ITGB5: variants seen among roughly 807,000 people sequenced by gnomAD.
ITGB5 encodes the protein integrin subunit beta 5, also known as integrin beta-5.
ITGB5 carries 38 observed loss-of-function variants against 84.8 expected under a neutral mutation model. That is an observed-to-expected ratio of 0.45 (90% CI 0.35 to 0.59). The LOEUF (loss-of-function observed/expected upper bound fraction) is 0.59. Ranked by LOEUF, ITGB5 falls within the 20% of genes least tolerant of loss-of-function variation. The pLI, the probability that ITGB5 is intolerant of heterozygous loss-of-function variation, is 0.01. For synonymous variants in ITGB5, 393 were observed against 414.4 expected (o/e 0.95, Z 0.63); for missense variants, 905 against 1,034.5 (o/e 0.87, Z 1.72).
At chr3:124,815,762 C>G (rs989505832) in intron 8 of ITGB5, among the ~76,000 whole-genome samples, 1 of 152,214 alleles carries the variant, frequency 6.6e-6, no homozygotes, top group African/African-American at 2.4e-5. Flanking sequence ...AGGCTCACAT[C>G]CCAAACCCTC....
intron 5 of ITGB5, among the ~76,000 whole-genome samples, chr3:124,835,033 C>T (rs2064913689): frequency 6.6e-6 from 1 of 152,184 alleles, no homozygotes; most frequent in Non-Finnish European, 1.5e-5. Context: ...CTACCCTTTC[C>T]CCAGGATGAT....
chr3:124,770,287 G>A (rs2063823328), intron 11 of ITGB5: 1 of 152,422 alleles, frequency 6.6e-6, no homozygotes, highest in African/African-American at 2.4e-5. Flanking sequence ...TGAGACACCA[G>A]GAGAGGCCCC....
chr3:124,799,750 T>C (rs1172251296), intron 9 of ITGB5, among the ~76,000 whole-genome samples: 1 of 152,120 alleles, frequency 6.6e-6, no homozygotes, highest in Non-Finnish European at 1.5e-5. Context: ...ACACAGCTGA[T>C]GAGTGGGGCC....
At chr3:124,895,872 A>G (rs935013792) in intron 1 of ITGB5, among the ~76,000 whole-genome samples, 1 of 152,206 alleles carries the variant, frequency 6.6e-6, no homozygotes, top group African/African-American at 2.4e-5. Flanking sequence ...ATTGCCATCA[A>G]TTAGCTGAGC....
At chr3:124,808,323 G>A (rs1398271984) in intron 9 of ITGB5, among the ~76,000 whole-genome samples, 1 of 152,290 alleles carries the variant, frequency 6.6e-6, no homozygotes, top group South Asian at 2.1e-4. Flanking sequence ...AGCAAGTCAG[G>A]AATGGAGCTC....
In ITGB5 at chr3:124,773,781, GAC is replaced by G; in HGVS notation, c.1823_1824del (p.Cys608SerfsTer18). On this transcript the variant is annotated frameshift_variant, in exon 11 of 15. Transcript: ENST00000296181. LOFTEE classifies it high-confidence loss of function. Reference sequence around the variant, plus strand: ...TCCGTGCATTGGCACTGCCCACAGAGACAGTGCCCACGCTCGCTGCAGATCTG... The same window carrying G: ...TCCGTGCATTGGCACTGCCCACAGAGAGTGCCCACGCTCGCTGCAGATCTG... ...DGQICSERGH[C>X]LCGQCQCTEP... 6.2e-7 allele frequency: 1 copy of G among 1,613,680 alleles called. No homozygotes were observed. Among genetic ancestry groups the G allele is most frequent in the Non-Finnish European group, 8.5e-7 (1 of 1,180,036 alleles).
rs141501998 is a variant in ITGB5, at chr3:124,763,691, T to C, written c.2332A>G (p.Ile778Val). ...MASNPLYRKPISTHTVDFTFN... is the reference protein window; with the variant it reads ...MASNPLYRKPVSTHTVDFTFN... ...GTGAAGTCCACAGTGTGCGTGGAGATAGGCTTTCTGTATAATGGATTTGAA... is the reference window on the plus strand; with the variant it reads ...GTGAAGTCCACAGTGTGCGTGGAGACAGGCTTTCTGTATAATGGATTTGAA... Residue 778 changes from isoleucine to valine, a missense_variant, in exon 15 of 15, where the codon ATC becomes GTC. This residue lies in a region of ITGB5 where 133 missense variants were observed against 122.8 expected (regional missense o/e 1.08). Coordinates refer to ENST00000296181, the MANE Select transcript of ITGB5 (RefSeq NM_002213.5). 2.5e-6 allele frequency: 4 copies of C among 1,609,938 alleles called. No homozygotes were observed. In the East Asian group the frequency reaches 8.9e-5, roughly 36 times the overall value.
chr3:124,816,069 G>C (rs1357417136), intron 8 of ITGB5, among the ~76,000 whole-genome samples: 2 of 152,164 alleles, frequency 1.3e-5, no homozygotes, highest in Admixed American at 6.5e-5. Flanking sequence ...CTGAATCTGT[G>C]AGAGCAAGAG....
intron 5 of ITGB5, among the ~76,000 whole-genome samples, chr3:124,841,135 AC>A (rs1439654448): frequency 6.6e-6 from 1 of 152,218 alleles, no homozygotes; most frequent in Non-Finnish European, 1.5e-5. Flanking sequence ...CTTCTAGCAG[AC>A]AGTACTCCAT....
intron 5 of ITGB5, among the ~76,000 whole-genome samples, chr3:124,827,402 T>G (rs2064798297): frequency 1.3e-5 from 2 of 152,250 alleles, no homozygotes; most frequent in African/African-American, 4.8e-5. Flanking sequence ...CCAGTAATAA[T>G]TTTTACATTT....
chr3:124,825,196 CAA>C (rs532997344), intron 5 of ITGB5, among the ~76,000 whole-genome samples: 3,234 of 79,216 alleles, frequency 0.041, 103 homozygotes, highest in African/African-American at 0.12. Flanking sequence ...GACTCCGTCT[CAA>C]AAAAAAAAAA....
In ITGB5 at chr3:124,796,326, G is replaced by A. The variant is rs549558438; in HGVS notation, c.1693+62C>T. 3.4e-4 allele frequency: 491 copies of A among 1,433,812 alleles called. 3 individuals are homozygous for A. In the South Asian group the frequency reaches 4.5e-3, roughly 13 times the overall value. The allele number at this position is 1,433,812 out of a possible 1,614,324, so 88.8% of individuals were successfully genotyped here. On this transcript the variant is annotated intron_variant, in intron 10 of 14. Coordinates refer to ENST00000296181, the MANE Select transcript of ITGB5 (RefSeq NM_002213.5). ...CCACTGAGTAAAAGGCAGGCTTTGGGAGGGTGTCCTAACGGCATCTTGGCC... is the reference window on the plus strand; with the variant it reads ...CCACTGAGTAAAAGGCAGGCTTTGGAAGGGTGTCCTAACGGCATCTTGGCC...
upstream of ITGB5, among the ~76,000 whole-genome samples, chr3:124,890,667 CG>C (rs1223794257): frequency 6.6e-6 from 1 of 152,144 alleles, no homozygotes; most frequent in Non-Finnish European, 1.5e-5. Context: ...GAAAGTTCTG[CG>C]ATCAAACCTG....
intron 9 of ITGB5, among the ~76,000 whole-genome samples, chr3:124,798,341 G>A (rs1317130880): frequency 6.6e-6 from 1 of 152,026 alleles, no homozygotes; most frequent in African/African-American, 2.4e-5. Flanking sequence ...GTGAGCTACT[G>A]CGCCCAGTCA....
chr3:124,772,188 T>C (rs1433407244), intron 11 of ITGB5, among the ~76,000 whole-genome samples: 1 of 152,164 alleles, frequency 6.6e-6, no homozygotes, highest in African/African-American at 2.4e-5. Context: ...CCCCGGGCTG[T>C]TTCTACTTGG....
chr3:124,854,007 A>G (rs2065191315), intron 3 of ITGB5, among the ~76,000 whole-genome samples: 1 of 152,202 alleles, frequency 6.6e-6, no homozygotes, highest in Non-Finnish European at 1.5e-5. Flanking sequence ...GTTCTCAATA[A>G]GCTTTACTTT....
At chr3:124,862,441 C>T (rs1332816526) in intron 2 of ITGB5, 1 of 152,266 alleles carries the variant, frequency 6.6e-6, no homozygotes, top group East Asian at 1.9e-4. Context: ...GATACTTGCA[C>T]TGGCAGTGAA....
chr3:124,858,318 T>C (rs1168895624), intron 3 of ITGB5, among the ~76,000 whole-genome samples: 1 of 152,162 alleles, frequency 6.6e-6, no homozygotes. Flanking sequence ...CTCTAAAAGT[T>C]TGTCCTTGCA....
chr3:124,816,095 C>T (rs552425374), intron 8 of ITGB5, among the ~76,000 whole-genome samples: 2 of 152,100 alleles, frequency 1.3e-5, no homozygotes, highest in African/African-American at 2.4e-5. Context: ...TTGGCTACAA[C>T]AGGAGATGGG....
Sources: allele counts gnomAD v4.1 joint callset (sites outside exome capture counted in the v4.1 genomes callset), GRCh38; gene constraint gnomAD v4.1.1; regional missense constraint gnomAD v4.1.1; transcripts MANE v1.5; gene names NCBI Gene and HGNC (gene_info 2026-07-23, HGNC 2026-07-21).